RFX3: variants seen among roughly 807,000 people sequenced by gnomAD.
The protein encoded by RFX3 is transcription factor RFX3.
A neutral mutation model predicts 98.6 loss-of-function variants in RFX3; 14 were observed. The ratio of observed to expected loss-of-function variants is 0.14; its 90% CI spans 0.09 to 0.22. RFX3 has a LOEUF of 0.22. Ranked by LOEUF, RFX3 falls within the 10% of genes least tolerant of loss-of-function variation. RFX3 has a pLI of 1.00. For synonymous variants in RFX3, 383 were observed against 328.4 expected (o/e 1.17, Z -1.80); for missense variants, 639 against 926.9 (o/e 0.69, Z 4.03).
intron 2 of RFX3, among the ~76,000 whole-genome samples, chr9:3,370,031 C>T (rs1305586987): frequency 7.1e-5 from 10 of 139,956 alleles, no homozygotes; most frequent in Non-Finnish European, 1.2e-4. Context: ...TTAGTAGAGA[C>T]GGGGTTTCCC....
intron 2 of RFX3, among the ~76,000 whole-genome samples, chr9:3,379,439 C>G (rs558776144): frequency 1.6e-4 from 25 of 152,166 alleles, no homozygotes; most frequent in African/African-American, 6.0e-4. Flanking sequence ...TTCAATTTGC[C>G]TGTGATATCA....
intron 1 of RFX3, among the ~76,000 whole-genome samples, chr9:3,478,159 C>A (rs1172727714): frequency 6.6e-6 from 1 of 151,676 alleles, no homozygotes; most frequent in African/African-American, 2.4e-5. Context: ...TTTTTTTGTT[C>A]GTTTTTTATT....
chr9:3,482,117 C>T (rs1321282943), intron 1 of RFX3, among the ~76,000 whole-genome samples: 1 of 151,734 alleles, frequency 6.6e-6, no homozygotes, highest in Non-Finnish European at 1.5e-5. Context: ...GGATACCACC[C>T]AAATGTCTAC....
chr9:3,271,694 C>A (rs1824500055), intron 9 of RFX3, among the ~76,000 whole-genome samples: 1 of 152,246 alleles, frequency 6.6e-6, no homozygotes, highest in East Asian at 1.9e-4. Context: ...GGCTAGGTAA[C>A]CACTGGCCAT....
At chr9:3,381,951 G>A (rs1168903931) in intron 2 of RFX3, among the ~76,000 whole-genome samples, 1 of 152,008 alleles carries the variant, frequency 6.6e-6, no homozygotes, top group Non-Finnish European at 1.5e-5. Context: ...TTTGCTTGTT[G>A]TTTCAACTGG....
At chr9:3,241,439 G>A (rs1041832365) in intron 15 of RFX3, among the ~76,000 whole-genome samples, 1 of 152,118 alleles carries the variant, frequency 6.6e-6, no homozygotes, top group African/African-American at 2.4e-5. Flanking sequence ...GAGCCAGCAG[G>A]GAAGAAAGCC....
rs1820154533 is a variant in RFX3, at chr9:3,242,939, T to C, written c.1968+5093A>G. Reference sequence around the variant, plus strand: ...TATAATTAAATTATGATTAAAAGAATTGATATATTTAATAGATTATTAAAA... The same window carrying C: ...TATAATTAAATTATGATTAAAAGAACTGATATATTTAATAGATTATTAAAA... On this transcript the variant is annotated intron_variant, in intron 15 of 16. Coordinates refer to ENST00000617270, the MANE Select transcript of RFX3 (RefSeq NM_001282116.2). 2.0e-5 allele frequency among the ~76,000 whole-genome samples: 3 copies of C among 151,932 alleles called. No homozygotes were observed. The South Asian group carries it at 6.2e-4, about 31-fold the overall frequency.
At chr9:3,297,153 A>C (rs995361644) in intron 5 of RFX3, among the ~76,000 whole-genome samples, 3 of 152,114 alleles carry the variant, frequency 2.0e-5, no homozygotes, top group Non-Finnish European at 4.4e-5. Context: ...TTTTGTCTTT[A>C]ATACAATGTA....
rs1324206113 is a variant in RFX3 at position 3,221,410 on chromosome 9, TCAAAGG to T, written c.*3626_*3631del. ...TTCATTTTTACTTGTCTACTACAAA[TCAAAGG>T]CAGTCAATGCTGCACACTACTAATT... On this transcript the variant is annotated 3_prime_UTR_variant, in exon 17 of 17. Coordinates refer to ENST00000617270, the MANE Select transcript of RFX3 (RefSeq NM_001282116.2). The T allele has an allele frequency of 3.8e-4, 58 of 152,184 alleles. 1 individual carries two copies. Among genetic ancestry groups the T allele is most frequent in the Admixed American group, 3.8e-3 (58 of 15,272 alleles). 9.4% of individuals were successfully genotyped at this position (152,184 alleles called of 1,614,324 possible).
At chr9:3,518,434 T>G (rs1457705104) in intron 1 of RFX3, among the ~76,000 whole-genome samples, 1 of 152,098 alleles carries the variant, frequency 6.6e-6, no homozygotes, top group East Asian at 1.9e-4. Flanking sequence ...AACTAAACAC[T>G]TAACGGGAGT....
chr9:3,332,721 G>C (rs893281892), intron 3 of RFX3, among the ~76,000 whole-genome samples: 2 of 152,078 alleles, frequency 1.3e-5, no homozygotes, highest in Admixed American at 6.6e-5. Context: ...TCGAGACTTG[G>C]TATTAGCCAT....
At chr9:3,383,699 C>T (rs1587435272) in intron 2 of RFX3, among the ~76,000 whole-genome samples, 1 of 152,150 alleles carries the variant, frequency 6.6e-6, no homozygotes, top group Non-Finnish European at 1.5e-5. Flanking sequence ...GGAAAATGAA[C>T]CATCAGAGTC....
At chr9:3,356,757 T>C (rs1835818835) in intron 2 of RFX3, among the ~76,000 whole-genome samples, 1 of 151,952 alleles carries the variant, frequency 6.6e-6, no homozygotes, top group African/African-American at 2.4e-5. Context: ...AATCTAATAA[T>C]ATATTTACAG....
intron 1 of RFX3, among the ~76,000 whole-genome samples, chr9:3,491,590 G>A (rs1303770446): frequency 6.6e-6 from 1 of 151,936 alleles, no homozygotes; most frequent in Non-Finnish European, 1.5e-5. Context: ...AAAATTTTAG[G>A]CCAGTCTACA....
chr9:3,313,689 G>C (rs888654735), intron 4 of RFX3, among the ~76,000 whole-genome samples: 1 of 152,176 alleles, frequency 6.6e-6, no homozygotes, highest in Non-Finnish European at 1.5e-5. Flanking sequence ...TGACCTGATG[G>C]AGCTGAAAAC....
Position 3,424,418 on chromosome 9 carries a change from G to A in RFX3, c.-8-28822C>T, listed in dbSNP as rs1299062550. 2.6e-4 allele frequency among the ~76,000 whole-genome samples: 33 copies of A among 129,288 alleles called. No homozygotes were observed. In the Admixed American group the frequency reaches 2.6e-3, roughly 10 times the overall value. The allele number at this position is 129,288 out of a possible 152,430, so 84.8% of individuals were successfully genotyped here. On this transcript the variant is annotated intron_variant, in intron 1 of 16. Transcript: ENST00000617270. ...GCTCTGTCGCCCAGGCTGGAGTGCA[G>A]TGGCGCGATCTCGACTCACTGCAAG... is the stretch of plus-strand genomic sequence containing the variant.
intron 1 of RFX3, among the ~76,000 whole-genome samples, chr9:3,431,310 T>C (rs76424271): frequency 2.0e-5 from 3 of 152,310 alleles, no homozygotes; most frequent in Admixed American, 6.5e-5. Flanking sequence ...CTAGTGATGC[T>C]GCAAGTGCTC....
At chr9:3,509,118 A>G (rs962266185) in intron 1 of RFX3, among the ~76,000 whole-genome samples, 1 of 151,934 alleles carries the variant, frequency 6.6e-6, no homozygotes, top group African/African-American at 2.4e-5. Flanking sequence ...AAAAAATCAG[A>G]TAATAGCATA....
chr9:3,424,090 T>G (rs1463413892), intron 1 of RFX3, among the ~76,000 whole-genome samples: 2 of 150,028 alleles, frequency 1.3e-5, no homozygotes, highest in Middle Eastern at 3.4e-3. Context: ...GAGCTTGCAG[T>G]GAGCTGAGAT....
Sources: gnomAD v4.1 joint callset for allele counts (sites outside exome capture counted in the v4.1 genomes callset) on GRCh38, gnomAD v4.1.1 for gene constraint, MANE v1.5 for transcripts, NCBI Gene and HGNC (gene_info 2026-07-23, HGNC 2026-07-21) for gene names.